EMP2: variants seen among roughly 807,000 people sequenced by gnomAD.
EMP2 encodes the protein epithelial membrane protein 2.
A neutral mutation model predicts 13.7 loss-of-function variants in EMP2; 19 were observed. The observed-to-expected ratio is 1.38, with a 90% confidence interval of 0.97 to 2.03. EMP2 has a LOEUF of 2.03. EMP2 is among the 30% of genes most tolerant of loss of function. EMP2 has a pLI of 0.00. For missense variants in EMP2, 253 were observed against 220.7 expected (o/e 1.15, Z -0.93); for synonymous variants, 97 against 84.7 (o/e 1.15, Z -0.80).
At chr16:10,560,192 C>A (rs921479234) in intron 1 of EMP2, among the ~76,000 whole-genome samples, 1 of 152,218 alleles carries the variant, frequency 6.6e-6, no homozygotes, top group African/African-American at 2.4e-5. Flanking sequence ...TAGGCTCACA[C>A]ACATAGCTTC....
chr16:10,531,459 T>G lies in EMP2; in HGVS notation c.*1446A>C, dbSNP rs552639369. ...TGATTCTCCTGCCTCAGCCACCTGA[T>G]AGCTGGGATTACAGGCATGCACCAC... On this transcript the variant is annotated 3_prime_UTR_variant, in exon 5 of 5. Transcript: ENST00000359543. 6.6e-6 allele frequency: 1 copy of G among 152,202 alleles called. No individual in the cohort carries two copies. The highest frequency in any genetic ancestry group is 1.5e-5 in the Non-Finnish European group (1 of 68,118). The allele number at this position is 152,202 out of a possible 1,614,324, so 9.4% of individuals were successfully genotyped here. A position where few individuals can be genotyped will look rare whatever the true frequency, so the allele number is the denominator to read the frequency against.
intron 3 of EMP2, 146 bp from the exon 4 acceptor site, chr16:10,538,220 A>C: frequency 1.1e-6 from 1 of 911,762 alleles, no homozygotes; most frequent in Non-Finnish European, 1.6e-6. Context: ...GTCTGAGCAC[A>C]AGGGCAGCCA....
chr16:10,575,200 A>G (rs1311839550), intron 1 of EMP2, among the ~76,000 whole-genome samples: 2 of 144,654 alleles, frequency 1.4e-5, no homozygotes, highest in East Asian at 4.2e-4. Context: ...GCTTCCCTGA[A>G]ACCACATCTG....
At chr16:10,578,897 C>A (rs1226411671) in intron 1 of EMP2, among the ~76,000 whole-genome samples, 2 of 152,258 alleles carry the variant, frequency 1.3e-5, no homozygotes, top group African/African-American at 4.8e-5. Flanking sequence ...CGTGGGCATC[C>A]ACGCCCTGTT....
At chr16:10,541,037 G>A (rs1346190307) in intron 3 of EMP2, among the ~76,000 whole-genome samples, 1 of 151,936 alleles carries the variant, frequency 6.6e-6, no homozygotes, top group East Asian at 1.9e-4. Flanking sequence ...ACAGTGAGCT[G>A]TGATTGCACC....
intron 1 of EMP2, among the ~76,000 whole-genome samples, chr16:10,573,088 C>T (rs1453658433): frequency 2.6e-5 from 4 of 152,174 alleles, no homozygotes; most frequent in Non-Finnish European, 5.9e-5. Context: ...CTTGCTCTGT[C>T]ACCCAGGCTA....
At chr16:10,539,011 T>G (rs555438393) in intron 3 of EMP2, among the ~76,000 whole-genome samples, 14 of 152,188 alleles carry the variant, frequency 9.2e-5, no homozygotes, top group African/African-American at 3.1e-4. Context: ...TCTCGCTATG[T>G]TGCTCACGGT....
intron 1 of EMP2, among the ~76,000 whole-genome samples, chr16:10,561,071 TG>T (rs1315314038): frequency 6.6e-6 from 1 of 151,638 alleles, no homozygotes; most frequent in Non-Finnish European, 1.5e-5. Flanking sequence ...TGTTGAGAAA[TG>T]ATGAGGGTCT....
intron 1 of EMP2, among the ~76,000 whole-genome samples, chr16:10,552,491 A>C (rs953382624): frequency 1.3e-5 from 2 of 152,230 alleles, no homozygotes; most frequent in African/African-American, 4.8e-5. Flanking sequence ...GAGTTCACCA[A>C]GGAAAAGACC....
chr16:10,529,667 AT>A lies in EMP2; in HGVS notation c.*3237del, dbSNP rs1293150417. 2 of 152,262 alleles carry A rather than the reference AT, an allele frequency of 1.3e-5. No individual in the cohort carries two copies. The highest frequency in any genetic ancestry group is 4.8e-5 in the African/African-American group (2 of 41,446). The allele number at this position is 152,262 out of a possible 1,614,324, so 9.4% of individuals were successfully genotyped here. ...TATAGAAGGCCAGACGCAGTGGCTCATGCCTGTAATCCCAGCACTTTGGAAG... is the reference window on the plus strand; with the variant it reads ...TATAGAAGGCCAGACGCAGTGGCTCAGCCTGTAATCCCAGCACTTTGGAAG... On this transcript the variant is annotated 3_prime_UTR_variant, in exon 5 of 5. Transcript: ENST00000359543.
At chr16:10,569,769 G>C (rs1426736796) in intron 1 of EMP2, among the ~76,000 whole-genome samples, 1 of 152,114 alleles carries the variant, frequency 6.6e-6, no homozygotes, top group Admixed American at 6.6e-5. Context: ...AAATGCCTGC[G>C]TGCATGCAGA....
chr16:10,537,792 A>G, intron 4 of EMP2, 136 bp downstream of exon 4: 1 of 1,084,160 alleles, frequency 9.2e-7, no homozygotes, highest in South Asian at 1.5e-5. Flanking sequence ...GCAAACACAC[A>G]CCGGCACACA....
Position 10,535,522 on chromosome 16 carries a change from C to T in EMP2, c.316+2406G>A, listed in dbSNP as rs73502069. 6.2e-3 allele frequency among the ~76,000 whole-genome samples: 941 copies of T among 152,216 alleles called. 5 individuals are homozygous for T. The highest frequency in any genetic ancestry group is 0.021 in the African/African-American group (882 of 41,532). On this transcript the variant is annotated intron_variant, in intron 4 of 4. Coordinates refer to ENST00000359543, the MANE Select transcript of EMP2 (RefSeq NM_001424.6). ...GGCTGACGCTGGCAGATTGCGAGAC[C>T]AGCCTGCACAACATAGTGAAACCCC... is the stretch of plus-strand genomic sequence containing the variant.
intron 3 of EMP2, among the ~76,000 whole-genome samples, chr16:10,542,445 C>A (rs7501034): frequency 1.3e-5 from 2 of 150,730 alleles, no homozygotes; most frequent in East Asian, 2.0e-4. Context: ...AAACCCTCCC[C>A]CCCCACCAAC....
At chr16:10,576,373 G>A (rs2050984189) in intron 1 of EMP2, 1 of 152,150 alleles carries the variant, frequency 6.6e-6, no homozygotes, top group Non-Finnish European at 1.5e-5. Context: ...GTTCAGAGAA[G>A]TTTGTGATCA....
At chr16:10,560,413 T>C (rs2050862982) in intron 1 of EMP2, among the ~76,000 whole-genome samples, 1 of 152,224 alleles carries the variant, frequency 6.6e-6, no homozygotes, top group South Asian at 2.1e-4. Flanking sequence ...ATCCACTTTG[T>C]GGGTGAGAAA....
At chr16:10,543,916 G>T (rs1411902683) in intron 2 of EMP2, among the ~76,000 whole-genome samples, 1 of 152,126 alleles carries the variant, frequency 6.6e-6, no homozygotes, top group Non-Finnish European at 1.5e-5. Context: ...CTGGAGGGCA[G>T]TGGCACAGTC....
rs533135707 is a variant in EMP2, at chr16:10,551,500, G to T, written c.-60-3823C>A. 1.5e-3 allele frequency among the ~76,000 whole-genome samples: 225 copies of T among 152,220 alleles called. 1 individual carries two copies. The highest frequency in any genetic ancestry group is 5.0e-3 in the African/African-American group (209 of 41,522). The stretch of plus-strand genomic sequence containing the variant: ...CGGCTCACTGCAACCTCTGCCTCCC[G>T]GGTTCAAGCGATTCTCCTGCCTCAG... On this transcript the variant is annotated intron_variant, in intron 1 of 4. Transcript: ENST00000359543.
At chr16:10,543,543 C>G (rs776470015) in intron 3 of EMP2, 27 bp downstream of exon 3, 2 of 1,611,798 alleles carry the variant, frequency 1.2e-6, no homozygotes, top group South Asian at 1.1e-5. Flanking sequence ...CAGTGCTTCT[C>G]AGTCAGCTTC....
Sources: gnomAD v4.1 joint callset for allele counts (sites outside exome capture counted in the v4.1 genomes callset) on GRCh38, gnomAD v4.1.1 for gene constraint, MANE v1.5 for transcripts, NCBI Gene and HGNC (gene_info 2026-07-23, HGNC 2026-07-21) for gene names.